The following CTNNA3 variants were observed in gnomAD, a reference collection of about 807,000 sequenced individuals.
CTNNA3 encodes the protein catenin alpha-3.
A neutral mutation model predicts 95.7 loss-of-function variants in CTNNA3; 76 were observed. The observed-to-expected ratio is 0.79, with a 90% CI of 0.66 to 0.96. The LOEUF (loss-of-function observed/expected upper bound fraction) is 0.96. CTNNA3 is among the 40% of genes least tolerant of loss of function. CTNNA3 has a pLI of 0.00. For missense variants in CTNNA3, 1,191 were observed against 1,089.8 expected, an observed-to-expected ratio of 1.09 and a Z score of -1.31; for synonymous variants, 431 against 374.4, an observed-to-expected ratio of 1.15 and a Z score of -1.74.
At chr10:66,890,982 G>A (rs1845247845) in intron 7 of CTNNA3, among the ~76,000 whole-genome samples, 1 of 152,022 alleles carries the variant, frequency 6.6e-6, no homozygotes. Context: ...CCAGTCCCCA[G>A]GCTCATCTCC....
chr10:67,645,110 T>G (rs1839663930), intron 2 of CTNNA3, among the ~76,000 whole-genome samples: 1 of 152,176 alleles, frequency 6.6e-6, no homozygotes, highest in African/African-American at 2.4e-5. Context: ...ATTTTCATCC[T>G]TCTAATTTTA....
chr10:66,527,066 T>C (rs1363109295), intron 10 of CTNNA3, among the ~76,000 whole-genome samples: 1 of 152,180 alleles, frequency 6.6e-6, no homozygotes, highest in Non-Finnish European at 1.5e-5. Flanking sequence ...TTAGTCACTA[T>C]GTTTAAGTCT....
In CTNNA3 at chr10:66,182,102, T is replaced by C. The variant is rs1020764310; in HGVS notation, c.1885-78853A>G. On this transcript the variant is annotated intron_variant, in intron 13 of 17. Coordinates refer to ENST00000433211, the MANE Select transcript of CTNNA3 (RefSeq NM_013266.4). ...AAACACAGGCCAAATAATAAAACAA[T>C]TCCCATTCCATACTTAATCCTTGAT... Among the ~76,000 whole-genome samples, 5 of 152,306 alleles carry C rather than the reference T, an allele frequency of 3.3e-5. No homozygotes were observed. In the East Asian group the frequency reaches 5.8e-4, roughly 18 times the overall value.
At chr10:67,748,450 C>T (rs753792584) in intron 1 of CTNNA3, among the ~76,000 whole-genome samples, 14 of 152,304 alleles carry the variant, frequency 9.2e-5, no homozygotes, top group Non-Finnish European at 1.9e-4. Flanking sequence ...GGCCAATATT[C>T]AACATTCTTA....
chr10:66,709,795 G>C (rs979861514), intron 9 of CTNNA3, among the ~76,000 whole-genome samples: 4 of 152,018 alleles, frequency 2.6e-5, no homozygotes, highest in Admixed American at 6.6e-5. Context: ...TACATATTAA[G>C]AGGTGTGAAT....
chr10:66,711,693 C>T (rs112107091), intron 9 of CTNNA3, among the ~76,000 whole-genome samples: 11,528 of 151,954 alleles, frequency 0.076, 486 homozygotes, highest in Middle Eastern at 0.13. Flanking sequence ...GGATTATAGG[C>T]GTGTGCCACC....
chr10:66,584,781 T>C (rs1843305641), intron 10 of CTNNA3, among the ~76,000 whole-genome samples: 1 of 152,046 alleles, frequency 6.6e-6, no homozygotes, highest in Admixed American at 6.6e-5. Flanking sequence ...TTATAAGCCC[T>C]GTGAATTTTA....
intron 7 of CTNNA3, among the ~76,000 whole-genome samples, chr10:66,806,756 ATGTGTGTGTGTGTGTGTGTG>A (rs57749652): frequency 2.1e-5 from 3 of 145,718 alleles, no homozygotes; most frequent in South Asian, 2.2e-4. Context: ...TGTGGCATAT[ATGTGTGTGTGTGTGTGTGTG>A]TGTGTGTGTG....
intron 9 of CTNNA3, among the ~76,000 whole-genome samples, chr10:66,678,544 AAC>A (rs1459809229): frequency 6.6e-6 from 1 of 152,182 alleles, no homozygotes; most frequent in Non-Finnish European, 1.5e-5. Context: ...GAAGAATCAC[AAC>A]AGGGAATGCA....
chr10:66,234,306 T>C (rs1263455087), intron 13 of CTNNA3, among the ~76,000 whole-genome samples: 2 of 152,164 alleles, frequency 1.3e-5, no homozygotes, highest in Non-Finnish European at 2.9e-5. Flanking sequence ...TCAGGTATGG[T>C]TCTTCAACAA....
intron 1 of CTNNA3, among the ~76,000 whole-genome samples, chr10:67,656,188 C>G (rs1012659192): frequency 6.6e-6 from 1 of 152,220 alleles, no homozygotes; most frequent in African/African-American, 2.4e-5. Flanking sequence ...ACCTTCTACT[C>G]TCTTGGTAAA....
At chr10:66,419,815 T>G (rs1307371697) in intron 11 of CTNNA3, among the ~76,000 whole-genome samples, 3 of 152,124 alleles carry the variant, frequency 2.0e-5, no homozygotes, top group Non-Finnish European at 4.4e-5. Flanking sequence ...TAAATAGTGC[T>G]GGGGAAATTG....
chr10:66,412,945 A>G (rs1197730932), intron 11 of CTNNA3, among the ~76,000 whole-genome samples: 3 of 152,208 alleles, frequency 2.0e-5, no homozygotes, highest in African/African-American at 7.2e-5. Flanking sequence ...ATTAATTTTA[A>G]GTATCCAAAA....
chr10:66,641,480 G>A lies in CTNNA3; in HGVS notation c.1282-19696C>T, dbSNP rs139739687. Among the ~76,000 whole-genome samples the A allele has an allele frequency of 6.6e-3, 1,008 of 152,162 alleles. 19 individuals carry two copies. Among genetic ancestry groups the A allele is most frequent in the African/African-American group, 0.023 (961 of 41,520 alleles). On this transcript the variant is annotated intron_variant, in intron 9 of 17. Transcript: ENST00000433211. ...AAACTATAAGAGATAATAAATGATT[G>A]TTGTCTTAAGTCACCACATTTTGGG...
chr10:66,487,360 C>T (rs1175261112), intron 11 of CTNNA3, among the ~76,000 whole-genome samples: 15 of 151,724 alleles, frequency 9.9e-5, no homozygotes. Context: ...CGCCAACACG[C>T]CCGGCTAATT....
At chr10:66,739,444 CT>C (rs1402631863) in intron 9 of CTNNA3, among the ~76,000 whole-genome samples, 2 of 152,126 alleles carry the variant, frequency 1.3e-5, no homozygotes, top group East Asian at 1.9e-4. Context: ...TATTTTTTAA[CT>C]TTATATCAGT....
At chr10:66,094,080 G>A (rs543227779) in intron 14 of CTNNA3, among the ~76,000 whole-genome samples, 34 of 152,218 alleles carry the variant, frequency 2.2e-4, no homozygotes, top group African/African-American at 7.7e-4. Context: ...GAAGATTATT[G>A]GAGGGAAACT....
intron 9 of CTNNA3, among the ~76,000 whole-genome samples, chr10:66,653,472 G>C (rs1845977890): frequency 6.6e-6 from 1 of 151,972 alleles, no homozygotes; most frequent in African/African-American, 2.4e-5. Flanking sequence ...CACAAGTAGA[G>C]TTATCCCATG....
intron 5 of CTNNA3, among the ~76,000 whole-genome samples, chr10:67,514,998 C>A (rs1213346636): frequency 2.6e-5 from 4 of 152,008 alleles, no homozygotes; most frequent in Non-Finnish European, 4.4e-5. Context: ...AATAGCAAAC[C>A]TTAGGAATTA....
Sources: gnomAD v4.1 joint callset for allele counts (sites outside exome capture counted in the v4.1 genomes callset) on GRCh38, gnomAD v4.1.1 for gene constraint, MANE v1.5 for transcripts, NCBI Gene and HGNC (gene_info 2026-07-23, HGNC 2026-07-21) for gene names.